Variants in ANKFN1 observed in about 807,000 individuals in gnomAD.
ANKFN1 encodes the protein ankyrin repeat and fibronectin type III domain containing 1, also known as ankyrin repeat and fibronectin type-III domain-containing protein 1.
ANKFN1 carries 74 observed loss-of-function variants against 108.7 expected under a neutral mutation model. The observed-to-expected ratio is 0.68, with a 90% CI of 0.56 to 0.83. The LOEUF is 0.83. ANKFN1 is among the 40% of genes least tolerant of loss of function. The pLI, the probability that ANKFN1 is intolerant of heterozygous loss-of-function variation, is 0.00. For synonymous variants in ANKFN1, 547 were observed against 516.2 expected, an observed-to-expected ratio of 1.06 and a Z score of -0.81; for missense variants, 1,505 against 1,382.3, an observed-to-expected ratio of 1.09 and a Z score of -1.41.
chr17:56,413,139 T>C (rs1256143414), intron 8 of ANKFN1, among the ~76,000 whole-genome samples: 1 of 152,186 alleles, frequency 6.6e-6, no homozygotes. Context: ...AATCTTTCAC[T>C]TCCCTAGTTA....
chr17:56,374,628 G>C lies in ANKFN1; in HGVS notation c.824G>C (p.Cys275Ser). The stretch of plus-strand genomic sequence containing the variant: ...GCCCCTGAGATGCCAACCAATGTCT[G>C]TCTCATGGTAACCAGCAGCACATCA... ...ARAPEMPTNVCLMVTSSTSLT... is the reference protein window; with the variant it reads ...ARAPEMPTNVSLMVTSSTSLT... The change falls in exon 8 of 21, where the codon TGT becomes TCT. Residue 275 changes from cysteine (C) to serine (S), a missense_variant. By Grantham distance (112) the Cys-to-Ser change is moderately radical. Transcript: ENST00000682825. 6.2e-7 allele frequency: 1 copy of C among 1,613,870 alleles called. No homozygotes were observed. The highest frequency in any genetic ancestry group is 2.2e-5 in the East Asian group (1 of 44,876).
At chr17:56,048,700 T>C (rs1337674218) in intron 4 of ANKFN1, among the ~76,000 whole-genome samples, 2 of 152,118 alleles carry the variant, frequency 1.3e-5, no homozygotes, top group Admixed American at 1.3e-4. Context: ...AAAGGAAAGG[T>C]AGAAGATCTC....
chr17:56,093,755 T>G (rs1905464721), intron 4 of ANKFN1, among the ~76,000 whole-genome samples: 1 of 151,360 alleles, frequency 6.6e-6, no homozygotes, highest in Non-Finnish European at 1.5e-5. Context: ...GTAATGTGCA[T>G]AAAACTATAC....
Position 56,485,355 on chromosome 17 carries a change from T to C in ANKFN1, c.2260+2831T>C, listed in dbSNP as rs563989440. Among the ~76,000 whole-genome samples the C allele has an allele frequency of 5.3e-5, 8 of 152,332 alleles. No homozygotes were observed. In the South Asian group the frequency reaches 1.2e-3, roughly 24 times the overall value. On this transcript the variant is annotated intron_variant, in intron 18 of 20. Coordinates refer to ENST00000682825, the MANE Select transcript of ANKFN1 (RefSeq NM_001370326.1). Reference sequence around the variant, plus strand: ...GGAAGGTCTCTGAAGAAGAAACATTTGAGCAGAGACCTAATATTTCCAGGC... The same window carrying C: ...GGAAGGTCTCTGAAGAAGAAACATTCGAGCAGAGACCTAATATTTCCAGGC...
At chr17:56,059,301 G>T (rs1598085068) in intron 4 of ANKFN1, among the ~76,000 whole-genome samples, 1 of 151,956 alleles carries the variant, frequency 6.6e-6, no homozygotes, top group Non-Finnish European at 1.5e-5. Flanking sequence ...TTGTAAATTT[G>T]TTTAAGTTCC....
In ANKFN1 at chr17:56,514,523, A is replaced by G. The variant is rs1037442403; in HGVS notation, c.*3254A>G. ...AGTATATGTTTGGCAACTACTTAAC[A>G]AAGCTAAAACATCCTCTTAATTGGC... On this transcript the variant is annotated 3_prime_UTR_variant, in exon 21 of 21. Coordinates refer to ENST00000682825, the MANE Select transcript of ANKFN1 (RefSeq NM_001370326.1). Among the ~76,000 whole-genome samples, 1 of 152,216 alleles carries G rather than the reference A, an allele frequency of 6.6e-6. No individual in the cohort carries two copies. Among genetic ancestry groups the G allele is most frequent in the Non-Finnish European group, 1.5e-5 (1 of 68,034 alleles).
intron 16 of ANKFN1, 64 bp downstream of exon 16, chr17:56,477,718 G>A: frequency 6.5e-7 from 1 of 1,543,692 alleles, no homozygotes; most frequent in Non-Finnish European, 8.8e-7. Context: ...CCAGCTTGAT[G>A]TGCCAGAAGG....
intron 3 of ANKFN1, among the ~76,000 whole-genome samples, chr17:56,235,371 G>T (rs1159469702): frequency 6.6e-6 from 1 of 152,068 alleles, no homozygotes; most frequent in Non-Finnish European, 1.5e-5. Flanking sequence ...GATCCCATTT[G>T]TCAACTTTTG....
At chr17:56,147,146 T>C (rs1195860737) in intron 4 of ANKFN1, among the ~76,000 whole-genome samples, 1 of 152,178 alleles carries the variant, frequency 6.6e-6, no homozygotes, top group Non-Finnish European at 1.5e-5. Flanking sequence ...AGCCTGGACA[T>C]GTCATTGTCC....
At chr17:56,325,785 C>T (rs1453707681) in intron 3 of ANKFN1, among the ~76,000 whole-genome samples, 1 of 152,188 alleles carries the variant, frequency 6.6e-6, no homozygotes, top group Admixed American at 6.5e-5. Context: ...CCCAGAAGGG[C>T]TGTAGATCAT....
At chr17:56,095,293 C>CTT (rs150218476) in intron 4 of ANKFN1, among the ~76,000 whole-genome samples, 24 of 138,834 alleles carry the variant, frequency 1.7e-4, no homozygotes, top group East Asian at 8.5e-4. Flanking sequence ...GAATGCTTTA[C>CTT]TTTTTTTTTT....
chr17:56,420,021 G>A (rs375579630), intron 8 of ANKFN1, among the ~76,000 whole-genome samples: 18 of 151,936 alleles, frequency 1.2e-4, no homozygotes, highest in East Asian at 1.2e-3. Flanking sequence ...TGCAGTCTAC[G>A]GCCAAATCCC....
intron 6 of ANKFN1, among the ~76,000 whole-genome samples, chr17:56,365,679 T>C (rs950881687): frequency 6.6e-6 from 1 of 152,176 alleles, no homozygotes; most frequent in Admixed American, 6.5e-5. Context: ...CCCATAAAAT[T>C]ATAAGGCAGC....
intron 3 of ANKFN1, among the ~76,000 whole-genome samples, chr17:56,229,158 C>T (rs899529286): frequency 4.6e-5 from 7 of 152,096 alleles, no homozygotes; most frequent in African/African-American, 1.7e-4. Context: ...TTAATGTCAA[C>T]GTATTACGCA....
At chr17:56,256,227 A>G (rs1211490432) in intron 3 of ANKFN1, among the ~76,000 whole-genome samples, 1 of 152,202 alleles carries the variant, frequency 6.6e-6, no homozygotes, top group African/African-American at 2.4e-5. Flanking sequence ...AAGTCAAGCC[A>G]TTTTATTGGG....
intron 3 of ANKFN1, among the ~76,000 whole-genome samples, chr17:56,278,403 T>C (rs1035733580): frequency 6.6e-6 from 1 of 152,178 alleles, no homozygotes. Context: ...ATCATGATTT[T>C]CTCCTCTAAT....
At chr17:56,149,508 C>T (rs1362115948), upstream of ANKFN1, among the ~76,000 whole-genome samples, 1 of 152,140 alleles carries the variant, frequency 6.6e-6, no homozygotes, top group African/African-American at 2.4e-5. Flanking sequence ...GTTTTGAAGG[C>T]CAGCATTGTT....
chr17:56,397,023 C>T (rs2047608441), intron 8 of ANKFN1, among the ~76,000 whole-genome samples: 1 of 150,584 alleles, frequency 6.6e-6, no homozygotes, highest in Non-Finnish European at 1.5e-5. Context: ...ACCCCACCTC[C>T]AAAGAAAAGA....
chr17:56,343,638 A>C (rs1386345585), intron 4 of ANKFN1, among the ~76,000 whole-genome samples: 1 of 151,828 alleles, frequency 6.6e-6, no homozygotes, highest in Non-Finnish European at 1.5e-5. Context: ...AAATAGGGGC[A>C]TATTTTGGCC....
Sources: gnomAD v4.1 joint callset for allele counts (sites outside exome capture counted in the v4.1 genomes callset) on GRCh38, gnomAD v4.1.1 for gene constraint, MANE v1.5 for transcripts, NCBI Gene and HGNC (gene_info 2026-07-23, HGNC 2026-07-21) for gene names.